Variants in TNNI3K observed in about 807,000 individuals in gnomAD.
TNNI3K encodes TNNI3 interacting kinase.
In TNNI3K, 140 loss-of-function variants were observed where a neutral mutation model predicts 114.5. That is an observed-to-expected ratio of 1.22 (90% CI 1.07 to 1.41). TNNI3K has a LOEUF of 1.41. Among genes scored for constraint, TNNI3K ranks in the 40% most tolerant of loss-of-function variants. TNNI3K has a pLI of 0.00. For missense variants in TNNI3K, 1,125 were observed against 1,007.6 expected, an observed-to-expected ratio of 1.12 and a Z score of -1.58; for synonymous variants, 347 against 347.5, an observed-to-expected ratio of 1.00 and a Z score of 0.02.
chr1:74,394,604 A>G lies in TNNI3K; in HGVS notation c.1772+24212A>G, dbSNP rs138469528. ...GAAGTTTAGTCTAAGATGAAAGTTT[A>G]CTAGCCTGCAAAATAGCTCACTTTT... is the stretch of plus-strand genomic sequence containing the variant. On this transcript the variant is annotated intron_variant, in intron 17 of 24. Transcript: ENST00000326637. Among the ~76,000 whole-genome samples the G allele has an allele frequency of 2.5e-4, 38 of 152,304 alleles. 1 individual carries two copies. In the East Asian group the frequency reaches 7.4e-3, roughly 29 times the overall value.
At chr1:74,292,765 CT>C (rs67607964) in intron 5 of TNNI3K, among the ~76,000 whole-genome samples, 5,133 of 151,480 alleles carry the variant, frequency 0.034, 121 homozygotes, top group Non-Finnish European at 0.054. Flanking sequence ...TTCTTGTTGG[CT>C]TTATCAATTT....
Position 74,409,398 on chromosome 1 carries a change from G to A in TNNI3K, c.1773-26682G>A, listed in dbSNP as rs569527138. Among the ~76,000 whole-genome samples, 13 of 151,510 alleles carry A rather than the reference G, an allele frequency of 8.6e-5. No homozygotes were observed. The South Asian group carries it at 2.1e-3, about 24-fold the overall frequency. ...AGGTTATGTTTAAATATAAAGAAGC[G>A]TTCTTTATTGCTTTGATTTGCTTAA... On this transcript the variant is annotated intron_variant, in intron 17 of 24. Coordinates refer to ENST00000326637, the MANE Select transcript of TNNI3K (RefSeq NM_015978.3).
intron 5 of TNNI3K, among the ~76,000 whole-genome samples, chr1:74,328,781 T>C (rs1031420680): frequency 9.2e-5 from 14 of 152,142 alleles, no homozygotes; most frequent in African/African-American, 3.4e-4. Flanking sequence ...CTCTTATCTT[T>C]TAGAATGAAA....
chr1:74,487,547 G>T (rs1387878119), intron 21 of TNNI3K, among the ~76,000 whole-genome samples: 1 of 152,106 alleles, frequency 6.6e-6, no homozygotes, highest in African/African-American at 2.4e-5. Flanking sequence ...TGTACCAAAT[G>T]CAAGATGAAG....
chr1:74,509,980 C>T (rs1487775547), intron 23 of TNNI3K, among the ~76,000 whole-genome samples: 1 of 151,980 alleles, frequency 6.6e-6, no homozygotes, highest in African/African-American at 2.4e-5. Flanking sequence ...TCTTGAATTC[C>T]TGAATTCAAG....
intron 20 of TNNI3K, among the ~76,000 whole-genome samples, chr1:74,450,887 G>A (rs934228847): frequency 8.6e-5 from 13 of 152,034 alleles, no homozygotes; most frequent in African/African-American, 2.4e-4. Context: ...CCCAGTAATC[G>A]CATTACTGGG....
chr1:74,300,184 T>A (rs1390506880), intron 5 of TNNI3K, among the ~76,000 whole-genome samples: 1 of 152,174 alleles, frequency 6.6e-6, no homozygotes, highest in Non-Finnish European at 1.5e-5. Context: ...ATAGTAAGAA[T>A]GAGAAAATAC....
chr1:74,248,763 G>C (rs1233245553), intron 2 of TNNI3K, among the ~76,000 whole-genome samples: 1 of 152,086 alleles, frequency 6.6e-6, no homozygotes, highest in Non-Finnish European at 1.5e-5. Flanking sequence ...ATAGAGACTA[G>C]AATCCCTCTC....
intron 21 of TNNI3K, among the ~76,000 whole-genome samples, chr1:74,484,394 G>A (rs1668650428): frequency 6.6e-6 from 1 of 152,038 alleles, no homozygotes; most frequent in Non-Finnish European, 1.5e-5. Flanking sequence ...CATAGAGCAG[G>A]GGCTGACAAG....
intron 5 of TNNI3K, among the ~76,000 whole-genome samples, chr1:74,309,292 CCA>C (rs1658838846): frequency 7.5e-6 from 1 of 132,886 alleles, no homozygotes; most frequent in East Asian, 2.3e-4. Context: ...GGCGTGAACC[CCA>C]GGGGGCGGAG....
At chr1:74,363,485 G>A (rs1217550197) in intron 11 of TNNI3K, among the ~76,000 whole-genome samples, 2 of 152,022 alleles carry the variant, frequency 1.3e-5, no homozygotes, top group Non-Finnish European at 2.9e-5. Flanking sequence ...CACTGTGCTG[G>A]CAGGAAATGA....
chr1:74,364,854 G>T (rs1216785699), intron 11 of TNNI3K, among the ~76,000 whole-genome samples: 1 of 152,014 alleles, frequency 6.6e-6, no homozygotes, highest in East Asian at 1.9e-4. Context: ...ATCTCCTAAG[G>T]CCTCTAGAAA....
chr1:74,425,261 C>A (rs1665581498), intron 17 of TNNI3K, among the ~76,000 whole-genome samples: 1 of 151,986 alleles, frequency 6.6e-6, no homozygotes, highest in Non-Finnish European at 1.5e-5. Flanking sequence ...AAGCTGTGTC[C>A]TGCACAATAT....
intron 24 of TNNI3K, chr1:74,541,424 A>G (rs1156965150): frequency 2.0e-5 from 3 of 152,212 alleles, no homozygotes; most frequent in African/African-American, 7.2e-5. Context: ...TCAGTTTTAC[A>G]ACATAATTGG....
chr1:74,501,474 G>GTGTGTGTTTGTT (rs138060844), intron 23 of TNNI3K, among the ~76,000 whole-genome samples: 2 of 149,820 alleles, frequency 1.3e-5, no homozygotes, highest in African/African-American at 4.9e-5. Flanking sequence ...TTTTTGTTTT[G>GTGTGTGTTTGTT]TGTTTGTTTG....
intron 24 of TNNI3K, among the ~76,000 whole-genome samples, chr1:74,541,908 T>G (rs1181381724): frequency 6.6e-6 from 1 of 152,248 alleles, no homozygotes; most frequent in African/African-American, 2.4e-5. Context: ...AACAATTTTA[T>G]GAGCTTCTTC....
At chr1:74,522,024 T>A (rs1309414966) in intron 23 of TNNI3K, among the ~76,000 whole-genome samples, 1 of 152,164 alleles carries the variant, frequency 6.6e-6, no homozygotes, top group African/African-American at 2.4e-5. Context: ...TATATCAACA[T>A]CCCTTCCAGT....
At chr1:74,516,480 G>A (rs1646349874) in intron 23 of TNNI3K, among the ~76,000 whole-genome samples, 1 of 152,140 alleles carries the variant, frequency 6.6e-6, no homozygotes, top group African/African-American at 2.4e-5. Flanking sequence ...TTTACTGTGG[G>A]GCTTAGTATG....
chr1:74,247,396 A>C (rs1855184), intron 2 of TNNI3K, among the ~76,000 whole-genome samples: 11,272 of 152,234 alleles, frequency 0.074, 515 homozygotes, highest in African/African-American at 0.13. Context: ...TTATAAAGGC[A>C]GTGCGGACCC....
Sources: gnomAD v4.1 joint callset for allele counts (sites outside exome capture counted in the v4.1 genomes callset) on GRCh38, gnomAD v4.1.1 for gene constraint, MANE v1.5 for transcripts, NCBI Gene and HGNC (gene_info 2026-07-23, HGNC 2026-07-21) for gene names.